MARCHF1: variants seen among roughly 807,000 people sequenced by gnomAD.
MARCHF1 encodes the protein membrane associated ring-CH-type finger 1.
MARCHF1 carries 40 observed loss-of-function variants against 54.2 expected under a neutral mutation model. That is an observed-to-expected ratio of 0.74 (90% CI 0.57 to 0.96). The LOEUF (loss-of-function observed/expected upper bound fraction) is 0.96, where lower values mean the gene tolerates loss of function less well. MARCHF1 is among the 40% of genes least tolerant of loss of function. The probability of loss-of-function intolerance (pLI) is 0.00; values close to 1 mark genes in which losing one functional copy is unlikely to be tolerated. For synonymous variants in MARCHF1, 236 were observed against 236.3 expected (o/e 1.00, Z 0.01); for missense variants, 586 against 656.5 (o/e 0.89, Z 1.17).
At chr4:163,792,611 C>T (rs1050243230) in intron 4 of MARCHF1, among the ~76,000 whole-genome samples, 1 of 152,096 alleles carries the variant, frequency 6.6e-6, no homozygotes, top group Admixed American at 6.6e-5. Context: ...TTCTGAAGCA[C>T]ATGGTATGCA....
At position 163,543,140 on chromosome 4, in the gene MARCHF1, T is replaced by C. The variant is rs180827211; in HGVS notation, c.1339+2456A>G. On this transcript the variant is annotated intron_variant, in intron 9 of 9. Coordinates refer to ENST00000514618, the MANE Select transcript of MARCHF1 (RefSeq NM_001394959.1). ...TTTTAATGGTTAAGTGGGAATAGGA[T>C]GTGATTAGATTTGTGTTTTTGTAAA... Among the ~76,000 whole-genome samples, 255 of 152,246 alleles carry C rather than the reference T, an allele frequency of 1.7e-3. 2 individuals carry two copies. Among genetic ancestry groups the C allele is most frequent in the African/African-American group, 5.7e-3 (235 of 41,536 alleles).
chr4:163,877,286 ATT>A (rs1579359286), intron 3 of MARCHF1, among the ~76,000 whole-genome samples: 2 of 152,272 alleles, frequency 1.3e-5, no homozygotes, highest in East Asian at 3.9e-4. Flanking sequence ...TATGTTCACC[ATT>A]TATCTTTTTC....
intron 8 of MARCHF1, among the ~76,000 whole-genome samples, chr4:163,560,052 T>C (rs931427319): frequency 1.2e-4 from 18 of 152,246 alleles, no homozygotes; most frequent in African/African-American, 4.3e-4. Context: ...AAAAGTAACT[T>C]TTGAAAAGCA....
chr4:164,138,132 C>T (rs889874339), intron 1 of MARCHF1, among the ~76,000 whole-genome samples: 1 of 152,052 alleles, frequency 6.6e-6, no homozygotes, highest in Non-Finnish European at 1.5e-5. Context: ...ATGTTTATAA[C>T]AGGACTTATT....
chr4:164,011,770 G>T lies in MARCHF1; in HGVS notation c.-247-23061C>A, dbSNP rs4056330. 7.9e-5 allele frequency among the ~76,000 whole-genome samples: 12 copies of T among 152,116 alleles called. 1 individual carries two copies. In the South Asian group the frequency reaches 2.5e-3, roughly 32 times the overall value. ...CAATAGGAATCAAAAAGTCATGTGA[G>T]GTATCACAGTACCTGGTTTGAACAT... is the stretch of plus-strand genomic sequence containing the variant. On this transcript the variant is annotated intron_variant, in intron 2 of 9. Coordinates refer to ENST00000514618, the MANE Select transcript of MARCHF1 (RefSeq NM_001394959.1).
chr4:163,574,258 G>A lies in MARCHF1; in HGVS notation c.1191+11491C>T, dbSNP rs555477970. ...GTTGCGAAAATTTTCTCCCATTTTT[G>A]TGGGTTGCCTGTTCACTCTGATGGT... On this transcript the variant is annotated intron_variant, in intron 8 of 9. Coordinates refer to ENST00000514618, the MANE Select transcript of MARCHF1 (RefSeq NM_001394959.1). Among the ~76,000 whole-genome samples, 5 of 152,162 alleles carry A rather than the reference G, an allele frequency of 3.3e-5. No individual in the cohort carries two copies. In the East Asian group the frequency reaches 9.6e-4, roughly 29 times the overall value.
At chr4:164,007,671 TGTGTG>T in intron 2 of MARCHF1, among the ~76,000 whole-genome samples, 1 of 151,876 alleles carries the variant, frequency 6.6e-6, no homozygotes, top group African/African-American at 2.4e-5. Flanking sequence ...TGTGTGTGTG[TGTGTG>T]TGTGTGTGTG....
In MARCHF1 at chr4:164,110,387, A is replaced by C. The variant is rs552155445; in HGVS notation, c.-248+1201T>G. On this transcript the variant is annotated intron_variant, in intron 2 of 9. Coordinates refer to ENST00000514618, the MANE Select transcript of MARCHF1 (RefSeq NM_001394959.1). ...AATATATGTTAAAATTTGTCTTTCT[A>C]AAGTTTCCCCTTTTTATGTGATTCT... Among the ~76,000 whole-genome samples the C allele has an allele frequency of 2.0e-5, 3 of 151,888 alleles. No individual in the cohort carries two copies. In the South Asian group the frequency reaches 6.2e-4, roughly 31 times the overall value.
intron 3 of MARCHF1, among the ~76,000 whole-genome samples, chr4:163,865,125 T>C (rs1351051610): frequency 6.6e-6 from 1 of 151,944 alleles, no homozygotes; most frequent in Non-Finnish European, 1.5e-5. Flanking sequence ...GAATATGTTT[T>C]GCTATGTGTA....
chr4:163,686,093 T>C (rs1744261353), intron 5 of MARCHF1, among the ~76,000 whole-genome samples: 1 of 152,226 alleles, frequency 6.6e-6, no homozygotes, highest in African/African-American at 2.4e-5. Context: ...GCTTAACACA[T>C]AGTAAGTGCT....
chr4:163,743,408 A>T (rs978556729), intron 4 of MARCHF1, among the ~76,000 whole-genome samples: 1 of 152,180 alleles, frequency 6.6e-6, no homozygotes, highest in African/African-American at 2.4e-5. Flanking sequence ...AACAGGGGCA[A>T]CCCAATAAGA....
At chr4:164,061,847 C>A (rs115451209) in intron 2 of MARCHF1, among the ~76,000 whole-genome samples, 2,339 of 152,122 alleles carry the variant, frequency 0.015, 33 homozygotes, top group Middle Eastern at 0.034. Context: ...ACAATCTATC[C>A]CTGATGTTAA....
At chr4:164,239,263 A>T (rs2111202108) in intron 1 of MARCHF1, among the ~76,000 whole-genome samples, 1 of 152,228 alleles carries the variant, frequency 6.6e-6, no homozygotes, top group South Asian at 2.1e-4. Context: ...ATGTGTCATG[A>T]TCAAAGTATA....
At chr4:164,287,999 T>G (rs984813466) in intron 1 of MARCHF1, among the ~76,000 whole-genome samples, 1 of 152,100 alleles carries the variant, frequency 6.6e-6, no homozygotes, top group African/African-American at 2.4e-5. Flanking sequence ...AACATAAACA[T>G]ACAATTTAAA....
At chr4:163,663,273 G>A (rs1190421078) in intron 5 of MARCHF1, among the ~76,000 whole-genome samples, 1 of 148,076 alleles carries the variant, frequency 6.8e-6, no homozygotes, top group African/African-American at 2.5e-5. Flanking sequence ...TCCCACTCAG[G>A]CCCATTGCTT....
intron 3 of MARCHF1, among the ~76,000 whole-genome samples, chr4:163,958,671 T>C (rs1426972893): frequency 6.6e-6 from 1 of 152,004 alleles, no homozygotes; most frequent in Non-Finnish European, 1.5e-5. Context: ...ATTTTCTTAC[T>C]TGATTTTTTT....
At chr4:164,091,911 T>C (rs910788374) in intron 2 of MARCHF1, among the ~76,000 whole-genome samples, 2 of 151,792 alleles carry the variant, frequency 1.3e-5, no homozygotes, top group African/African-American at 4.8e-5. Flanking sequence ...TGTGTGTCTG[T>C]GTGTTTGTTT....
In MARCHF1 at chr4:163,928,697, A is replaced by C. The variant is rs141442065; in HGVS notation, c.-39+59804T>G. 7.2e-5 allele frequency among the ~76,000 whole-genome samples: 11 copies of C among 152,138 alleles called. No homozygotes were observed. The East Asian group carries it at 2.1e-3, about 29-fold the overall frequency. The stretch of plus-strand genomic sequence containing the variant: ...ATTCTGATTTAATTTATGTATCAAT[A>C]TTATAAAGACTAAATATAAAAAAGT... On this transcript the variant is annotated intron_variant, in intron 3 of 9. Coordinates refer to ENST00000514618, the MANE Select transcript of MARCHF1 (RefSeq NM_001394959.1).
intron 4 of MARCHF1, among the ~76,000 whole-genome samples, chr4:163,718,753 A>G (rs2111279772): frequency 6.6e-6 from 1 of 152,142 alleles, no homozygotes; most frequent in East Asian, 1.9e-4. Flanking sequence ...ACTTTTGCCT[A>G]GAACATTACA....
Sources: gnomAD v4.1 joint callset for allele counts (sites outside exome capture counted in the v4.1 genomes callset) on GRCh38, gnomAD v4.1.1 for gene constraint, MANE v1.5 for transcripts, NCBI Gene and HGNC (gene_info 2026-07-23, HGNC 2026-07-21) for gene names.